Variants in SLC24A1 observed in about 807,000 individuals in gnomAD.
SLC24A1 encodes the protein sodium/potassium/calcium exchanger 1.
Under a neutral mutation model 88.1 loss-of-function variants are expected in SLC24A1, and 52 were observed. That is an observed-to-expected ratio of 0.59 (90% confidence interval 0.47 to 0.74). SLC24A1 has a LOEUF of 0.74. Among genes scored for constraint, SLC24A1 ranks in the 30% least tolerant of loss-of-function variants. SLC24A1 has a pLI of 0.00. For synonymous variants in SLC24A1, 455 were observed against 498.0 expected (o/e 0.91, Z 1.15); for missense variants, 1,173 against 1,363.3 (o/e 0.86, Z 2.20).
At position 65,652,744 on chromosome 15, in the gene SLC24A1, A is replaced by G; in HGVS notation, c.2986A>G (p.Lys996Glu). ...DLITSVIVAR[K>E]GLGDMAVSSS... Reference sequence around the variant, plus strand: ...CATCACCAGTGTGATTGTCGCTCGAAAAGGCCTGGGAGACATGGCTGTGTC... The same window carrying G: ...CATCACCAGTGTGATTGTCGCTCGAGAAGGCCTGGGAGACATGGCTGTGTC... Residue 996 changes from lysine (K) to glutamate (E), a missense_variant, in exon 9 of 10, where the codon AAA becomes GAA. Physicochemically the swap from Lys to Glu is moderately conservative, Grantham distance 56. Transcript: ENST00000261892. 1 of 1,613,950 alleles carries G rather than the reference A, an allele frequency of 6.2e-7. No homozygotes were observed. Among genetic ancestry groups the G allele is most frequent in the Non-Finnish European group, 8.5e-7 (1 of 1,179,842 alleles).
chr15:65,633,758 T>C (rs4467025), intron 2 of SLC24A1, among the ~76,000 whole-genome samples: 33 of 152,222 alleles, frequency 2.2e-4, no homozygotes, highest in African/African-American at 8.0e-4. Context: ...TATATTTCTA[T>C]TGGACAATAC....
chr15:65,648,036 G>A (rs543670671), intron 6 of SLC24A1, among the ~76,000 whole-genome samples: 2 of 152,282 alleles, frequency 1.3e-5, no homozygotes, highest in South Asian at 4.1e-4. Flanking sequence ...CGAGGCGGGC[G>A]GATCACGAGC....
In SLC24A1 at chr15:65,637,047, A is replaced by AT. The variant is rs1161248772; in HGVS notation, c.1891-1081_1891-1080insT. 5.3e-5 allele frequency among the ~76,000 whole-genome samples: 8 copies of AT among 152,198 alleles called. No individual in the cohort carries two copies. The East Asian group carries it at 1.5e-3, about 29-fold the overall frequency. The stretch of plus-strand genomic sequence containing the variant: ...TTGCGTGGCAAAAAAAGAAAAAAAA[A>AT]GGTAGAGTCTACATGTAGCTGGTAG... On this transcript the variant is annotated intron_variant, in intron 2 of 9. Coordinates refer to ENST00000261892, the MANE Select transcript of SLC24A1 (RefSeq NM_004727.3).
chr15:65,611,525 C>T (rs564911692), exon 1 of SLC24A1: 11 of 337,970 alleles, frequency 3.3e-5, no homozygotes, highest in African/African-American at 2.1e-4. Context: ...CCTCACTCCC[C>T]TGGGCCCCGT....
At chr15:65,618,235 A>T (rs2074212156), upstream of SLC24A1, among the ~76,000 whole-genome samples, 2 of 152,156 alleles carry the variant, frequency 1.3e-5, no homozygotes, top group African/African-American at 4.8e-5. Context: ...ATATATGTGT[A>T]TGTATATACA....
At chr15:65,640,502 C>A (rs1243115025) in intron 4 of SLC24A1, among the ~76,000 whole-genome samples, 1 of 152,172 alleles carries the variant, frequency 6.6e-6, no homozygotes, top group Non-Finnish European at 1.5e-5. Flanking sequence ...CTCCCCATCT[C>A]TGGGGCTCTG....
chr15:65,657,544 G>C (rs1413616136), downstream of SLC24A1, among the ~76,000 whole-genome samples: 1 of 152,192 alleles, frequency 6.6e-6, no homozygotes, highest in South Asian at 2.1e-4. Context: ...TCGGGAGGCT[G>C]AGGCAGGAGA....
chr15:65,643,036 C>T, intron 4 of SLC24A1: 4 of 1,288,922 alleles, frequency 3.1e-6, no homozygotes, highest in Non-Finnish European at 4.0e-6. Context: ...CTACTCTTGT[C>T]AATTTGTTTT....
At position 65,625,805 on chromosome 15, in the gene SLC24A1, C is replaced by T; in HGVS notation, c.1725C>T (p.Phe575=). The part of the protein sequence containing the change: ...YILDLIMLIL[F]FLDSLIAWWE... Reference sequence around the variant, plus strand: ...TTGACCTGATAATGCTCATCCTCTTCTTCCTGGACAGCCTCATTGCCTGGT... The same window carrying T: ...TTGACCTGATAATGCTCATCCTCTTTTTCCTGGACAGCCTCATTGCCTGGT... Residue 575 remains phenylalanine, a synonymous_variant, in exon 2 of 10, where the codon TTC becomes TTT. Transcript: ENST00000261892. 1 of 1,614,066 alleles carries T rather than the reference C, an allele frequency of 6.2e-7. No homozygotes were observed. Among genetic ancestry groups the T allele is most frequent in the Non-Finnish European group, 8.5e-7 (1 of 1,179,902 alleles).
chr15:65,641,747 C>T (rs978068440), intron 4 of SLC24A1, among the ~76,000 whole-genome samples: 3 of 152,184 alleles, frequency 2.0e-5, no homozygotes, highest in Non-Finnish European at 2.9e-5. Flanking sequence ...GTGGCTACTC[C>T]CAGAGGAATC....
chr15:65,636,332 A>G (rs1402607096), intron 2 of SLC24A1, among the ~76,000 whole-genome samples: 1 of 152,166 alleles, frequency 6.6e-6, no homozygotes, highest in Non-Finnish European at 1.5e-5. Flanking sequence ...CACCTGTAAT[A>G]CCAGCATTTT....
intron 7 of SLC24A1, 104 bp from the exon 8 acceptor site, chr15:65,651,566 C>G (rs1419343362): frequency 2.9e-6 from 2 of 689,946 alleles, no homozygotes; most frequent in Non-Finnish European, 5.4e-6. Flanking sequence ...GCCTCCATCA[C>G]TCTTCCATTA....
At position 65,625,133 on chromosome 15, in the gene SLC24A1, G is replaced by A. The variant is rs937377731; in HGVS notation, c.1053G>A (p.Arg351=). The A allele has an allele frequency of 6.2e-7, 1 of 1,613,498 alleles. No homozygotes were observed. The highest frequency in any genetic ancestry group is 1.3e-5 in the African/African-American group (1 of 74,898). ...GGAGTCTTAGGAATCCTTCACCCAG[G>A]ACCAGTGTATCAGCCATCAAAACAG... ...AAWSLRNPSP[R]TSVSAIKTAP... The change falls in exon 2 of 10, where the codon AGG becomes AGA. Residue 351 remains arginine (R), a synonymous_variant. Transcript: ENST00000261892.
At chr15:65,659,530 G>T (rs895324567), downstream of SLC24A1, 1 of 151,402 alleles carries the variant, frequency 6.6e-6, no homozygotes, top group Non-Finnish European at 1.5e-5. Flanking sequence ...TAGAGACAGG[G>T]TCTCTCTATG....
Position 65,644,508 on chromosome 15 carries a change from CAGA to C in SLC24A1, c.2138_2140del (p.Glu716del). The stretch of plus-strand genomic sequence containing the variant: ...CCCCAGGCCAAAGCAGAAAGCAAAC[CAGA>C]AGGTGAGAGGATGGCCAGACCAGTG... On this transcript the variant is annotated inframe_deletion and splice_region_variant, in exon 5 of 10. Coordinates refer to ENST00000261892, the MANE Select transcript of SLC24A1 (RefSeq NM_004727.3). 1 of 1,581,298 alleles carries C rather than the reference CAGA, an allele frequency of 6.3e-7. No individual in the cohort carries two copies. Among genetic ancestry groups the C allele is most frequent in the Non-Finnish European group, 8.6e-7 (1 of 1,163,250 alleles).
chr15:65,621,520 A>T (rs1373177065), upstream of SLC24A1, among the ~76,000 whole-genome samples: 1 of 152,192 alleles, frequency 6.6e-6, no homozygotes, highest in East Asian at 1.9e-4. Context: ...TCACCTTACA[A>T]ATAGGAAGGA....
chr15:65,629,124 ATTC>A (rs1387341725), intron 2 of SLC24A1, among the ~76,000 whole-genome samples: 2 of 152,224 alleles, frequency 1.3e-5, no homozygotes, highest in East Asian at 1.9e-4. Context: ...ACTTGCAGGT[ATTC>A]TTCTTCCTGA....
intron 9 of SLC24A1, 107 bp from the exon 10 acceptor site, chr15:65,653,723 G>C (rs1379974466): frequency 7.4e-5 from 83 of 1,121,654 alleles, no homozygotes; most frequent in Non-Finnish European, 9.0e-6. Flanking sequence ...TCACTTCATA[G>C]ATATTTTATT....
chr15:65,638,270 G>C, intron 3 of SLC24A1, 89 bp downstream of exon 3: 1 of 961,478 alleles, frequency 1.0e-6, no homozygotes. Context: ...CCTGTGCTGG[G>C]GACCCTGGCT....
Sources: allele counts gnomAD v4.1 joint callset (sites outside exome capture counted in the v4.1 genomes callset), GRCh38; gene constraint gnomAD v4.1.1; transcripts MANE v1.5; gene names NCBI Gene and HGNC (gene_info 2026-07-23, HGNC 2026-07-21).